Variants in NBEA observed in about 807,000 individuals in gnomAD.
NBEA encodes lysosomal-trafficking regulator 2.
Under a neutral mutation model 343.4 loss-of-function variants are expected in NBEA, and 44 were observed. The observed-to-expected ratio is 0.13, with a 90% CI of 0.10 to 0.16. NBEA has a LOEUF of 0.16. Among genes scored for constraint, NBEA ranks in the 10% least tolerant of loss-of-function variants. The pLI is 1.00. For synonymous variants in NBEA, 1,175 were observed against 1,238.7 expected, an observed-to-expected ratio of 0.95 and a Z score of 1.08; for missense variants, 2,555 against 3,631.3, an observed-to-expected ratio of 0.70 and a Z score of 7.62.
chr13:35,168,954 G>T (rs757266835), intron 24 of NBEA, 33 bp from the exon 25 acceptor site: 39 of 1,370,256 alleles, frequency 2.8e-5, no homozygotes, highest in South Asian at 5.9e-5. Context: ...GTACTTTTTG[G>T]TCTGTTGTCT....
chr13:34,952,846 G>A (rs896497561), intron 1 of NBEA, among the ~76,000 whole-genome samples: 1 of 152,026 alleles, frequency 6.6e-6, no homozygotes, highest in Non-Finnish European at 1.5e-5. Context: ...TTTTACATTT[G>A]GGAAGGGAAT....
At chr13:35,553,684 A>T (rs909990084) in intron 43 of NBEA, among the ~76,000 whole-genome samples, 1 of 152,180 alleles carries the variant, frequency 6.6e-6, no homozygotes, top group African/African-American at 2.4e-5. Flanking sequence ...CCATGTGAAT[A>T]CTCATGTTAA....
At chr13:35,670,141 G>A (rs2085541775) in intron 58 of NBEA, among the ~76,000 whole-genome samples, 1 of 152,198 alleles carries the variant, frequency 6.6e-6, no homozygotes, top group African/African-American at 2.4e-5. Context: ...ATTGGATGAG[G>A]TGTCTAATCA....
At chr13:35,048,529 T>G in intron 4 of NBEA, 34 bp from the exon 5 acceptor site, 1 of 1,584,602 alleles carries the variant, frequency 6.3e-7, no homozygotes, top group Non-Finnish European at 8.6e-7. Flanking sequence ...TTTCTTTAAC[T>G]GATACTTTCG....
chr13:35,481,300 G>A (rs758822382), intron 41 of NBEA, among the ~76,000 whole-genome samples: 1 of 151,844 alleles, frequency 6.6e-6, no homozygotes, highest in Non-Finnish European at 1.5e-5. Context: ...TGCTTGATTT[G>A]CAGACTTGAA....
intron 36 of NBEA, among the ~76,000 whole-genome samples, chr13:35,318,623 G>A (rs1032691698): frequency 4.6e-5 from 7 of 152,186 alleles, no homozygotes; most frequent in African/African-American, 1.7e-4. Context: ...CATAAAATGA[G>A]TTAGGGAGGA....
At chr13:35,202,097 T>C (rs1333272336) in intron 31 of NBEA, among the ~76,000 whole-genome samples, 1 of 152,152 alleles carries the variant, frequency 6.6e-6, no homozygotes, top group Non-Finnish European at 1.5e-5. Context: ...CTACCTTGTT[T>C]TTTCATGTCT....
intron 8 of NBEA, among the ~76,000 whole-genome samples, chr13:35,062,839 G>T (rs2063514032): frequency 6.6e-6 from 1 of 151,874 alleles, no homozygotes. Context: ...GGATGATTAG[G>T]AGTATATACA....
intron 1 of NBEA, 47 bp downstream of exon 1, chr13:34,943,161 C>A: frequency 6.2e-7 from 1 of 1,601,344 alleles, no homozygotes; most frequent in Non-Finnish European, 8.5e-7. Context: ...TCCCCACATA[C>A]ACCGTCCCCA....
intron 18 of NBEA, among the ~76,000 whole-genome samples, chr13:35,154,144 A>C (rs2068988850): frequency 6.6e-6 from 1 of 152,152 alleles, no homozygotes; most frequent in Non-Finnish European, 1.5e-5. Context: ...AAAGTAGGTC[A>C]GTTTTTATTT....
At chr13:35,146,987 T>C (rs201239809) in intron 18 of NBEA, among the ~76,000 whole-genome samples, 1 of 152,176 alleles carries the variant, frequency 6.6e-6, no homozygotes, top group Non-Finnish European at 1.5e-5. Flanking sequence ...TCAATGTTAG[T>C]ATATTTTCTT....
At chr13:35,203,825 T>C (rs2073188199) in intron 31 of NBEA, among the ~76,000 whole-genome samples, 1 of 152,334 alleles carries the variant, frequency 6.6e-6, no homozygotes, top group African/African-American at 2.4e-5. Flanking sequence ...ATGATAACTT[T>C]TACAACCTTG....
At chr13:34,972,935 A>G (rs775910671) in intron 1 of NBEA, among the ~76,000 whole-genome samples, 4 of 152,120 alleles carry the variant, frequency 2.6e-5, no homozygotes, top group Admixed American at 6.5e-5. Context: ...TGAGTTTTCA[A>G]TGTTCTCGTG....
chr13:35,475,419 T>A (rs2075820565), intron 41 of NBEA: 1 of 1,613,522 alleles, frequency 6.2e-7, no homozygotes, highest in South Asian at 1.1e-5. Context: ...CCATCTGCAG[T>A]CTGTTCTCTG....
At chr13:35,113,637 C>G (rs1468400654) in intron 13 of NBEA, among the ~76,000 whole-genome samples, 2 of 152,108 alleles carry the variant, frequency 1.3e-5, no homozygotes, top group African/African-American at 2.4e-5. Flanking sequence ...ATCTGTCTGT[C>G]TATCATCTTT....
intron 1 of NBEA, among the ~76,000 whole-genome samples, chr13:34,943,736 G>A (rs902574699): frequency 2.0e-4 from 31 of 152,146 alleles, no homozygotes; most frequent in Admixed American, 2.0e-3. Context: ...ATATTGCCCT[G>A]AATATACTGA....
In NBEA at chr13:35,155,659, T is replaced by G. The variant is rs1422575126; in HGVS notation, c.2446-115T>G. On this transcript the variant is annotated intron_variant, in intron 18 of 58. Coordinates refer to ENST00000379939, the MANE Select transcript of NBEA (RefSeq NM_001385012.1). ...GAAAAAAGTCCCTTTAGAAGAGATG[T>G]TTCTTTTGGTTTGGACTGCATTGAC... 17 of 736,048 alleles carry G rather than the reference T, an allele frequency of 2.3e-5. No homozygotes were observed. In the East Asian group the frequency reaches 4.6e-4, roughly 20 times the overall value. The allele number at this position is 736,048 out of a possible 1,614,324, so 45.6% of individuals were successfully genotyped here.
At chr13:35,226,377 C>G (rs2074651825) in intron 33 of NBEA, among the ~76,000 whole-genome samples, 1 of 152,166 alleles carries the variant, frequency 6.6e-6, no homozygotes. Flanking sequence ...CTCCTCAGAA[C>G]TCTCCAGGGA....
intron 34 of NBEA, among the ~76,000 whole-genome samples, chr13:35,258,965 C>T (rs2032943471): frequency 6.6e-6 from 1 of 152,088 alleles, no homozygotes; most frequent in South Asian, 2.1e-4. Flanking sequence ...GTAGGCTAGG[C>T]TAAGCTATGA....
Sources: allele counts gnomAD v4.1 joint callset (sites outside exome capture counted in the v4.1 genomes callset), GRCh38; gene constraint gnomAD v4.1.1; transcripts MANE v1.5; gene names NCBI Gene and HGNC (gene_info 2026-07-23, HGNC 2026-07-21).